BCAS4: variants seen among roughly 807,000 people sequenced by gnomAD.
The protein encoded by BCAS4 is breast carcinoma-amplified sequence 4.
A neutral mutation model predicts 15.7 loss-of-function variants in BCAS4; 9 were observed. That is an observed-to-expected ratio of 0.57 (90% confidence interval 0.34 to 1.00). The LOEUF is 1.00. Among genes scored for constraint, BCAS4 ranks in the 50% least tolerant of loss-of-function variants. BCAS4 has a pLI of 0.02. For missense variants in BCAS4, 225 were observed against 239.1 expected, an observed-to-expected ratio of 0.94 and a Z score of 0.39; for synonymous variants, 101 against 99.5, an observed-to-expected ratio of 1.02 and a Z score of -0.09.
At chr20:50,846,670 G>T (rs556927298) in intron 4 of BCAS4, 1 of 137,442 alleles carries the variant, frequency 7.3e-6, no homozygotes, top group African/African-American at 2.7e-5. Context: ...CTGGAGTGCA[G>T]TGGTGCAATC....
intron 1 of BCAS4, among the ~76,000 whole-genome samples, chr20:50,799,055 C>T (rs1362105570): frequency 6.6e-6 from 1 of 152,160 alleles, no homozygotes. Flanking sequence ...GTCCCAGGGA[C>T]TCAGGCACAG....
In BCAS4 at chr20:50,827,573, G is replaced by A. The variant is rs148721217; in HGVS notation, c.163-2706G>A. Among the ~76,000 whole-genome samples the A allele has an allele frequency of 4.1e-4, 63 of 152,254 alleles. No homozygotes were observed. In the East Asian group the frequency reaches 8.1e-3, roughly 20 times the overall value. ...TGTTGCTCAGCTTGTCCCAGCTTTG[G>A]CCATTTCACTCTTGCAGGTTGGCTT... On this transcript the variant is annotated intron_variant, in intron 2 of 4. Coordinates refer to ENST00000371608, the MANE Select transcript of BCAS4 (RefSeq NM_198799.4).
At chr20:50,806,862 CTTTTTTT>C (rs34670373) in intron 1 of BCAS4, among the ~76,000 whole-genome samples, 9 of 83,376 alleles carry the variant, frequency 1.1e-4, no homozygotes, top group East Asian at 6.2e-4. Context: ...TCCATTTATA[CTTTTTTT>C]TTTTTTTTTT....
At chr20:50,815,589 T>C (rs975000340) in intron 1 of BCAS4, among the ~76,000 whole-genome samples, 1 of 152,132 alleles carries the variant, frequency 6.6e-6, no homozygotes, top group African/African-American at 2.4e-5. Context: ...TCTTTCTTTT[T>C]CCCCGTCTTC....
At chr20:50,879,402 A>C (rs1980073216), downstream of BCAS4, 1 of 152,250 alleles carries the variant, frequency 6.6e-6, no homozygotes, top group Non-Finnish European at 1.5e-5. Flanking sequence ...CTGTAATCCC[A>C]CCTACTCGGG....
In BCAS4 at chr20:50,824,938, G is replaced by A. The variant is rs776438985; in HGVS notation, c.163-5341G>A. On this transcript the variant is annotated intron_variant, in intron 2 of 4. Coordinates refer to ENST00000371608, the MANE Select transcript of BCAS4 (RefSeq NM_198799.4). Reference sequence around the variant, plus strand: ...TTTTGTTTTTTTTAGGCATGATTGGGCTGACACTGCCTTTGCCCGATGAAT... The same window carrying A: ...TTTTGTTTTTTTTAGGCATGATTGGACTGACACTGCCTTTGCCCGATGAAT... Among the ~76,000 whole-genome samples the A allele has an allele frequency of 4.3e-4, 66 of 152,094 alleles. 1 individual carries two copies. The highest frequency in any genetic ancestry group is 2.9e-4 in the Non-Finnish European group (20 of 68,036).
intron 3 of BCAS4, among the ~76,000 whole-genome samples, chr20:50,831,786 G>A (rs1233731298): frequency 6.6e-6 from 1 of 152,168 alleles, no homozygotes; most frequent in East Asian, 1.9e-4. Context: ...AGGCTGAGAG[G>A]AGCTTGCGGT....
chr20:50,818,373 G>A (rs1217601229), intron 2 of BCAS4, 91 bp downstream of exon 2: 104 of 1,301,818 alleles, frequency 8.0e-5, no homozygotes, highest in Non-Finnish European at 1.1e-4. Flanking sequence ...TTGGTGGTGA[G>A]TTAGCAACCA....
At chr20:50,796,955 C>T (rs8118664) in intron 1 of BCAS4, among the ~76,000 whole-genome samples, 8,166 of 152,022 alleles carry the variant, frequency 0.054, 337 homozygotes, top group African/African-American at 0.11. Flanking sequence ...CTCAGCCTCC[C>T]GCATAGCCAG....
rs1240786717 is a variant in BCAS4, at chr20:50,851,016, C to A, written c.399+9116C>A. 0.056 allele frequency among the ~76,000 whole-genome samples: 3 copies of A among 54 alleles called. No homozygotes were observed. Among genetic ancestry groups the A allele is most frequent in the Non-Finnish European group, 0.12 (3 of 26 alleles). The allele number at this position is 54 out of a possible 152,430, so 0.0% of individuals were successfully genotyped here. A position where few individuals can be genotyped will look rare whatever the true frequency, so the allele number is the denominator to read the frequency against. ...CTCAGCGTGCTCCCCTCCCCAGCGA[C>A]CCCCCCAGCTCCCGCCCCTTGCCTC... On this transcript the variant is annotated intron_variant, in intron 4 of 4. Coordinates refer to ENST00000371608, the MANE Select transcript of BCAS4 (RefSeq NM_198799.4). The surrounding 1 kb of genome is among the most constrained non-coding windows in gnomAD (Gnocchi z 4.3).
At chr20:50,836,786 G>A (rs1362394454) in intron 3 of BCAS4, among the ~76,000 whole-genome samples, 9 of 152,128 alleles carry the variant, frequency 5.9e-5, no homozygotes, top group Non-Finnish European at 8.8e-5. Flanking sequence ...GTGCAGTGGT[G>A]CAGTCACACT....
intron 4 of BCAS4, among the ~76,000 whole-genome samples, chr20:50,874,080 C>T (rs1449250419): frequency 1.3e-5 from 2 of 152,146 alleles, no homozygotes; most frequent in African/African-American, 4.8e-5. Flanking sequence ...CTGCTGTCTC[C>T]ACTGTCGCCC....
intron 4 of BCAS4, among the ~76,000 whole-genome samples, chr20:50,843,713 C>T (rs2088510080): frequency 6.6e-6 from 1 of 152,220 alleles, no homozygotes; most frequent in Non-Finnish European, 1.5e-5. Flanking sequence ...GTGAGAAGCC[C>T]TCTGGGATTG....
chr20:50,876,224 TAC>T (rs568942178), intron 4 of BCAS4: 4 of 435,226 alleles, frequency 9.2e-6, no homozygotes, highest in African/African-American at 6.1e-5. Context: ...GTGCTGGGAT[TAC>T]AGTCATGAGC....
chr20:50,820,897 C>T (rs963724942), intron 2 of BCAS4, among the ~76,000 whole-genome samples: 15 of 151,884 alleles, frequency 9.9e-5, no homozygotes, highest in Admixed American at 3.9e-4. Flanking sequence ...TTTGATGTTT[C>T]TGGGGGGGAA....
chr20:50,826,904 G>T (rs1392091113), intron 2 of BCAS4, among the ~76,000 whole-genome samples: 1 of 152,014 alleles, frequency 6.6e-6, no homozygotes, highest in African/African-American at 2.4e-5. Context: ...GGAGGTCGAG[G>T]CTGCAACAAG....
intron 1 of BCAS4, among the ~76,000 whole-genome samples, chr20:50,817,949 ATTT>A (rs1357678252): frequency 6.6e-6 from 1 of 151,722 alleles, no homozygotes; most frequent in Non-Finnish European, 1.5e-5. Context: ...TAGCTTTGTT[ATTT>A]CCTGTATTTG....
At position 50,856,673 on chromosome 20, in the gene BCAS4, C is replaced by T. The variant is rs1285850656; in HGVS notation, c.399+14773C>T. Among the ~76,000 whole-genome samples the T allele has an allele frequency of 2.6e-5, 4 of 152,246 alleles. No homozygotes were observed. In the East Asian group the frequency reaches 7.7e-4, roughly 29 times the overall value. On this transcript the variant is annotated intron_variant, in intron 4 of 4. Transcript: ENST00000371608. ...GCCCCTGGAAGTGTGTGCATTGGTACGGGGCAGGAGGGGCTCAGATGACAG... is the reference window on the plus strand; with the variant it reads ...GCCCCTGGAAGTGTGTGCATTGGTATGGGGCAGGAGGGGCTCAGATGACAG...
At chr20:50,824,279 C>T (rs1022809628) in intron 2 of BCAS4, among the ~76,000 whole-genome samples, 4 of 152,224 alleles carry the variant, frequency 2.6e-5, no homozygotes, top group Non-Finnish European at 4.4e-5. Context: ...GGCCTTGGCC[C>T]AGCAGTTGCA....
Sources: gnomAD v4.1 joint callset for allele counts (sites outside exome capture counted in the v4.1 genomes callset) on GRCh38, gnomAD v4.1.1 for gene constraint, Gnocchi (gnomAD v3.1) non-coding constraint, MANE v1.5 for transcripts, NCBI Gene and HGNC (gene_info 2026-07-23, HGNC 2026-07-21) for gene names.